ARHGAP22: variants seen among roughly 807,000 people sequenced by gnomAD.
ARHGAP22 encodes Rho GTPase activating protein 22.
In ARHGAP22, 48 loss-of-function variants were observed where a neutral mutation model predicts 59.1. That is an observed-to-expected ratio of 0.81 (90% CI 0.64 to 1.03). The LOEUF is 1.03. Ranked by LOEUF, ARHGAP22 falls within the 50% of genes least tolerant of loss-of-function variation. ARHGAP22 has a pLI of 0.00. For synonymous variants in ARHGAP22, 445 were observed against 416.4 expected, an observed-to-expected ratio of 1.07 and a Z score of -0.84; for missense variants, 1,015 against 958.7, an observed-to-expected ratio of 1.06 and a Z score of -0.78.
At chr10:48,481,037 A>G (rs1217094775) in intron 3 of ARHGAP22, among the ~76,000 whole-genome samples, 1 of 152,238 alleles carries the variant, frequency 6.6e-6, no homozygotes, top group African/African-American at 2.4e-5. Context: ...GAGGGTGAGG[A>G]GCAGCCAGGG....
chr10:48,649,882 C>A (rs1471679883), intron 1 of ARHGAP22, among the ~76,000 whole-genome samples: 5 of 151,728 alleles, frequency 3.3e-5, no homozygotes, highest in Admixed American at 1.3e-4. Context: ...CATAGCAGTA[C>A]AATTGAACGC....
In ARHGAP22 at chr10:48,590,925, G is replaced by A. The variant is rs965257462; in HGVS notation, c.35-7773C>T. Among the ~76,000 whole-genome samples the A allele has an allele frequency of 3.9e-4, 59 of 152,194 alleles. 2 individuals are homozygous for A. On this transcript the variant is annotated intron_variant, in intron 1 of 9. Transcript: ENST00000249601. ...CCTGTGACTGCCAGAGCTAGGGCCCGGCAGTGAATAATTTCACTTATTTCT... is the reference window on the plus strand; with the variant it reads ...CCTGTGACTGCCAGAGCTAGGGCCCAGCAGTGAATAATTTCACTTATTTCT...
intron 1 of ARHGAP22, among the ~76,000 whole-genome samples, chr10:48,596,357 C>T (rs1040478513): frequency 6.6e-5 from 10 of 152,076 alleles, no homozygotes; most frequent in African/African-American, 2.2e-4. Flanking sequence ...ACAGATGCCC[C>T]AACACCAGAT....
chr10:48,434,806 G>C, the ARHGAP22 span: 4 of 1,278,290 alleles, frequency 3.1e-6, no homozygotes, highest in South Asian at 1.9e-5. Flanking sequence ...ATTACCACTG[G>C]AGGCAGTCAG....
chr10:48,485,602 TC>T lies in ARHGAP22; in HGVS notation c.323-5839del, dbSNP rs887963153. ...TTATTGAGAGAAGGCTATTCAAATC[TC>T]CAATTATAATTTTAGATTTGTCTAT... is the stretch of plus-strand genomic sequence containing the variant. On this transcript the variant is annotated intron_variant, in intron 3 of 9. Coordinates refer to ENST00000249601, the MANE Select transcript of ARHGAP22 (RefSeq NM_021226.4). 4.6e-4 allele frequency among the ~76,000 whole-genome samples: 70 copies of T among 152,326 alleles called. 1 individual carries two copies. Among genetic ancestry groups the T allele is most frequent in the African/African-American group, 1.7e-3 (70 of 41,578 alleles).
intron 1 of ARHGAP22, among the ~76,000 whole-genome samples, chr10:48,596,046 T>C (rs1019482214): frequency 1.3e-5 from 2 of 152,196 alleles, no homozygotes; most frequent in African/African-American, 4.8e-5. Context: ...TCATAGTGAA[T>C]ACTTTAATGA....
At chr10:48,642,351 C>T (rs1427000728) in intron 1 of ARHGAP22, among the ~76,000 whole-genome samples, 2 of 152,200 alleles carry the variant, frequency 1.3e-5, no homozygotes, top group Non-Finnish European at 2.9e-5. Flanking sequence ...TACAAGGCTA[C>T]AGTAACCAAA....
chr10:48,458,255 G>C (rs1193446094), intron 5 of ARHGAP22, among the ~76,000 whole-genome samples: 1 of 152,152 alleles, frequency 6.6e-6, no homozygotes, highest in African/African-American at 2.4e-5. Context: ...AAGGCAGACA[G>C]GGGAGGGCCT....
At chr10:48,542,260 T>C (rs1215440562) in intron 3 of ARHGAP22, among the ~76,000 whole-genome samples, 9 of 152,186 alleles carry the variant, frequency 5.9e-5, no homozygotes, top group Non-Finnish European at 1.2e-4. Flanking sequence ...GGCCACTTCC[T>C]GCATTTAAAT....
intron 1 of ARHGAP22, among the ~76,000 whole-genome samples, chr10:48,636,845 G>A (rs920974968): frequency 6.6e-6 from 1 of 152,198 alleles, no homozygotes. Flanking sequence ...AGAAGGGACA[G>A]GACAAAGGGT....
At chr10:48,469,959 A>G (rs935406361) in intron 4 of ARHGAP22, among the ~76,000 whole-genome samples, 2 of 152,200 alleles carry the variant, frequency 1.3e-5, no homozygotes, top group East Asian at 1.9e-4. Context: ...GGTCTGGACA[A>G]AATGCTGGAG....
At chr10:48,547,967 G>C (rs2056589780) in intron 3 of ARHGAP22, among the ~76,000 whole-genome samples, 1 of 152,208 alleles carries the variant, frequency 6.6e-6, no homozygotes. Context: ...AGTTCCTTTG[G>C]AGTCTCCTTG....
intron 3 of ARHGAP22, among the ~76,000 whole-genome samples, chr10:48,488,942 G>A (rs1342144900): frequency 6.6e-6 from 1 of 151,936 alleles, no homozygotes; most frequent in Non-Finnish European, 1.5e-5. Context: ...GCTCCACCTG[G>A]GTCTCCCCTT....
At chr10:48,490,931 C>T (rs2134217353) in intron 3 of ARHGAP22, among the ~76,000 whole-genome samples, 1 of 152,362 alleles carries the variant, frequency 6.6e-6, no homozygotes, top group South Asian at 2.1e-4. Context: ...ATCCATTCCT[C>T]TCAGCAAATT....
At chr10:48,431,771 T>C in the ARHGAP22 span, among the ~76,000 whole-genome samples, 1 of 152,212 alleles carries the variant, frequency 6.6e-6, no homozygotes, top group Non-Finnish European at 1.5e-5. Flanking sequence ...GTTAAAACTT[T>C]TTTTTATCAT....
In ARHGAP22 at chr10:48,572,987, A is replaced by G. The variant is rs550162022; in HGVS notation, c.234+9966T>C. ...GCAGCCATCTTTGGGATTATCTACC[A>G]TGTATCTTGCAGAGTTGCTGTGGGA... On this transcript the variant is annotated intron_variant, in intron 2 of 9. Coordinates refer to ENST00000249601, the MANE Select transcript of ARHGAP22 (RefSeq NM_021226.4). Among the ~76,000 whole-genome samples, 4 of 152,308 alleles carry G rather than the reference A, an allele frequency of 2.6e-5. No homozygotes were observed. The South Asian group carries it at 8.3e-4, about 32-fold the overall frequency.
At chr10:48,470,635 G>A (rs1281573785) in intron 4 of ARHGAP22, among the ~76,000 whole-genome samples, 1 of 152,186 alleles carries the variant, frequency 6.6e-6, no homozygotes, top group Non-Finnish European at 1.5e-5. Flanking sequence ...GGACCCTTAG[G>A]GCCCACTAGA....
chr10:48,564,613 A>G (rs2057929579), intron 2 of ARHGAP22, among the ~76,000 whole-genome samples: 1 of 152,150 alleles, frequency 6.6e-6, no homozygotes, highest in Non-Finnish European at 1.5e-5. Flanking sequence ...CCCATGCCCT[A>G]CTCACGGGCT....
At position 48,465,139 on chromosome 10, in the gene ARHGAP22, T is replaced by A. The variant is rs565699810; in HGVS notation, c.452-5248A>T. On this transcript the variant is annotated intron_variant, in intron 4 of 9. Transcript: ENST00000249601. ...CTCCTGGCACCCTCGGAGGGGAGCC[T>A]TGCCAAAAACTAGTTCCAGTAGGTT... 1.9e-3 allele frequency among the ~76,000 whole-genome samples: 287 copies of A among 152,296 alleles called. 4 individuals carry two copies. Among genetic ancestry groups the A allele is most frequent in the African/African-American group, 6.7e-3 (279 of 41,560 alleles).
Sources: allele counts gnomAD v4.1 joint callset (sites outside exome capture counted in the v4.1 genomes callset), GRCh38; gene constraint gnomAD v4.1.1; transcripts MANE v1.5; gene names NCBI Gene and HGNC (gene_info 2026-07-23, HGNC 2026-07-21).